Variants in PTAFR observed in about 807,000 individuals in gnomAD.
PTAFR encodes platelet-activating factor receptor.
In PTAFR, 8 loss-of-function variants were observed where a neutral mutation model predicts 14.7. The observed-to-expected ratio is 0.54, with a 90% CI of 0.32 to 0.98. The LOEUF is 0.98. Among genes scored for constraint, PTAFR ranks in the 50% least tolerant of loss-of-function variants. PTAFR has a pLI of 0.04. For missense variants in PTAFR, 337 were observed against 451.2 expected (o/e 0.75, Z 2.29); for synonymous variants, 156 against 176.5 (o/e 0.88, Z 0.92).
chr1:28,182,351 G>A (rs1646569308), intron 1 of PTAFR, among the ~76,000 whole-genome samples: 1 of 144,006 alleles, frequency 6.9e-6, no homozygotes, highest in Non-Finnish European at 1.5e-5. Flanking sequence ...GAAAGAGAGA[G>A]AGAGAAAAGG....
Position 28,149,834 on chromosome 1 carries a change from G to T in PTAFR, c.*159C>A. Reference sequence around the variant, plus strand: ...TGAGTTCTGGATTTTCCAACAGCCTGGCTCTGCCATCATCCCTGCCCAGGT... The same window carrying T: ...TGAGTTCTGGATTTTCCAACAGCCTTGCTCTGCCATCATCCCTGCCCAGGT... On this transcript the variant is annotated 3_prime_UTR_variant, in exon 2 of 2. Transcript: ENST00000373857. 1 of 952,890 alleles carries T rather than the reference G, an allele frequency of 1.0e-6. No individual in the cohort carries two copies. Among genetic ancestry groups the T allele is most frequent in the Non-Finnish European group, 1.5e-6 (1 of 653,072 alleles). 59.0% of individuals were successfully genotyped at this position (952,890 alleles called of 1,614,324 possible). A position where few individuals can be genotyped will look rare whatever the true frequency, so the allele number is the denominator to read the frequency against.
chr1:28,164,079 T>C (rs1646355802), intron 1 of PTAFR, among the ~76,000 whole-genome samples: 1 of 152,170 alleles, frequency 6.6e-6, no homozygotes, highest in Non-Finnish European at 1.5e-5. Context: ...GCTGGAAACA[T>C]TCCCAGTCCC....
intron 1 of PTAFR, among the ~76,000 whole-genome samples, chr1:28,193,375 G>T (rs1192884399): frequency 6.6e-6 from 1 of 152,090 alleles, no homozygotes; most frequent in East Asian, 1.9e-4. Flanking sequence ...GCCCGTTCGT[G>T]TATGTGTATA....
chr1:28,162,458 A>G (rs1012616346), intron 1 of PTAFR, among the ~76,000 whole-genome samples: 3 of 152,160 alleles, frequency 2.0e-5, no homozygotes, highest in East Asian at 3.9e-4. Context: ...TCCTTGGACG[A>G]GCAGCATTGG....
At chr1:28,159,775 G>A (rs1401104345) in intron 1 of PTAFR, among the ~76,000 whole-genome samples, 1 of 151,274 alleles carries the variant, frequency 6.6e-6, no homozygotes, top group Non-Finnish European at 1.5e-5. Context: ...GCAGTGAGCC[G>A]AGATAGCACC....
upstream of PTAFR, among the ~76,000 whole-genome samples, chr1:28,179,826 A>G (rs1646548609): frequency 6.6e-6 from 1 of 152,050 alleles, no homozygotes; most frequent in Non-Finnish European, 1.5e-5. Flanking sequence ...GTGGAAAAAA[A>G]AAAAGAAAAT....
intron 1 of PTAFR, among the ~76,000 whole-genome samples, chr1:28,165,418 A>G (rs1004813163): frequency 6.7e-6 from 1 of 149,260 alleles, no homozygotes; most frequent in Non-Finnish European, 1.5e-5. Context: ...AAAAAAAAAA[A>G]AAAAAAAGGA....
chr1:28,159,413 A>G (rs1646299414), intron 1 of PTAFR, among the ~76,000 whole-genome samples: 1 of 152,216 alleles, frequency 6.6e-6, no homozygotes, highest in Non-Finnish European at 1.5e-5. Flanking sequence ...AGAAAAGCAA[A>G]CACTGGATGT....
chr1:28,150,555 TCCAG>T lies in PTAFR; in HGVS notation c.463_466del (p.Leu155ThrfsTer133). 1 of 1,613,456 alleles carries T rather than the reference TCCAG, an allele frequency of 6.2e-7. No homozygotes were observed. The highest frequency in any genetic ancestry group is 8.5e-7 in the Non-Finnish European group (1 of 1,179,876). ...ACTGTCGGGCACTGTGTTGGTGGAG[TCCAG>T]GATGAGGAAGTAGGATGCAGCTCCC... On this transcript the variant is annotated frameshift_variant, in exon 2 of 2. Coordinates refer to ENST00000373857, the MANE Select transcript of PTAFR (RefSeq NM_000952.5). LOFTEE classifies it high-confidence loss of function. The surrounding 1 kb of genome is among the most constrained non-coding windows in gnomAD (Gnocchi z 6.3).
At chr1:28,163,977 G>A (rs1322935917) in intron 1 of PTAFR, among the ~76,000 whole-genome samples, 1 of 152,228 alleles carries the variant, frequency 6.6e-6, no homozygotes, top group Non-Finnish European at 1.5e-5. Context: ...CTGGGGGTGG[G>A]GTAGAGAGGC....
intron 1 of PTAFR, among the ~76,000 whole-genome samples, chr1:28,167,502 G>A (rs549913309): frequency 5.0e-4 from 76 of 152,148 alleles, no homozygotes; most frequent in Admixed American, 3.6e-3. Context: ...TAGTGTTCGT[G>A]GGATTCCAAA....
intron 1 of PTAFR, among the ~76,000 whole-genome samples, chr1:28,185,438 T>G (rs1646598365): frequency 6.6e-6 from 1 of 152,138 alleles, no homozygotes; most frequent in South Asian, 2.1e-4. Context: ...TTGCCAAGAG[T>G]GTTGTGGACA....
chr1:28,150,018 A>T lies in PTAFR; in HGVS notation c.1004T>A (p.Ile335Asn). The T allele has an allele frequency of 6.2e-7, 1 of 1,613,462 alleles. No individual in the cohort carries two copies. Among genetic ancestry groups the T allele is most frequent in the Non-Finnish European group, 8.5e-7 (1 of 1,179,548 alleles). The change falls in exon 2 of 2, where the codon ATC (isoleucine) becomes AAC (asparagine). Residue 335 changes from isoleucine (I) to asparagine (N), a missense_variant. Coordinates refer to ENST00000373857, the MANE Select transcript of PTAFR (RefSeq NM_000952.5). This position sits in a 1 kb window ranked among gnomAD's most constrained non-coding sequence, Gnocchi z 6.3. ...VTEVVVPFNQ[I>N]PGNSLKN is the part of the protein sequence containing the mutation. ...CTAATTTTTGAGGGAATTGCCAGGG[A>T]TCTGGTTGAATGGCACAACCACTTC...
intron 1 of PTAFR, among the ~76,000 whole-genome samples, chr1:28,170,802 C>T (rs1053239154): frequency 6.6e-6 from 1 of 150,770 alleles, no homozygotes; most frequent in African/African-American, 2.4e-5. Context: ...AGATCGAGAC[C>T]ATCCTGGCTA....
intron 1 of PTAFR, among the ~76,000 whole-genome samples, chr1:28,183,735 A>G (rs953527723): frequency 6.6e-6 from 1 of 152,090 alleles, no homozygotes; most frequent in African/African-American, 2.4e-5. Context: ...AAAATACAAA[A>G]ATTAGCCGGG....
chr1:28,167,550 T>A (rs569909924), intron 1 of PTAFR, among the ~76,000 whole-genome samples: 66 of 146,118 alleles, frequency 4.5e-4, no homozygotes, highest in Admixed American at 2.9e-3. Context: ...TAGAAGCTCC[T>A]CAAAAAACTA....
At chr1:28,166,684 G>A (rs1322201623) in intron 1 of PTAFR, among the ~76,000 whole-genome samples, 1 of 149,974 alleles carries the variant, frequency 6.7e-6, no homozygotes, top group African/African-American at 2.5e-5. Context: ...AAAAAAAAAA[G>A]CTTCACAACA....
At chr1:28,171,278 G>A (rs2149001573) in intron 1 of PTAFR, among the ~76,000 whole-genome samples, 1 of 150,920 alleles carries the variant, frequency 6.6e-6, no homozygotes, top group African/African-American at 2.4e-5. Flanking sequence ...AACTGAGATT[G>A]TGCCACTGCA....
rs781553697 is a variant in PTAFR, at chr1:28,150,961, C to T, written c.61G>A (p.Val21Ile). The T allele has an allele frequency of 6.2e-7, 1 of 1,613,580 alleles. No homozygotes were observed. The highest frequency in any genetic ancestry group is 1.7e-5 in the Admixed American group (1 of 59,972). The change falls in exon 2 of 2, where the codon GTT becomes ATT. Residue 21 changes from valine to isoleucine, a missense_variant. Coordinates refer to ENST00000373857, the MANE Select transcript of PTAFR (RefSeq NM_000952.5). The surrounding 1 kb of genome is among the most constrained non-coding windows in gnomAD (Gnocchi z 6.3). ...SEFRYTLFPIVYSIIFVLGVI... is the reference protein window; with the variant it reads ...SEFRYTLFPIIYSIIFVLGVI... ...CCGAGCACAAAGATGATGCTGTAAA[C>T]AATCGGGAAGAGAGTGTATCGGAAC... is the stretch of plus-strand genomic sequence containing the variant.
Sources: allele counts gnomAD v4.1 joint callset (sites outside exome capture counted in the v4.1 genomes callset), GRCh38; gene constraint gnomAD v4.1.1; non-coding constraint Gnocchi (gnomAD v3.1); transcripts MANE v1.5; gene names NCBI Gene and HGNC (gene_info 2026-07-23, HGNC 2026-07-21).